The following GRM8 variants were observed in gnomAD, a reference collection of about 807,000 sequenced individuals.
The protein encoded by GRM8 is metabotropic glutamate receptor 8.
Under a neutral mutation model 87.2 loss-of-function variants are expected in GRM8, and 47 were observed. The observed-to-expected ratio is 0.54, with a 90% CI of 0.43 to 0.69. The LOEUF (loss-of-function observed/expected upper bound fraction) is 0.69. Ranked by LOEUF, GRM8 falls within the 30% of genes least tolerant of loss-of-function variation. The pLI is 0.00. For missense variants in GRM8, 1,019 were observed against 1,139.2 expected (o/e 0.89, Z 1.52); for synonymous variants, 396 against 404.5 (o/e 0.98, Z 0.25).
chr7:126,958,205 G>A (rs1808936598), intron 3 of GRM8, among the ~76,000 whole-genome samples: 3 of 152,158 alleles, frequency 2.0e-5, no homozygotes, highest in Admixed American at 2.0e-4. Context: ...CTTCCTGGAT[G>A]TGGGACAAGA....
intron 3 of GRM8, among the ~76,000 whole-genome samples, chr7:126,947,010 T>A (rs1355770092): frequency 6.6e-6 from 1 of 152,206 alleles, no homozygotes; most frequent in Non-Finnish European, 1.5e-5. Flanking sequence ...ATCTGGAAGA[T>A]GTGTCCTTCA....
At chr7:127,207,704 C>T (rs370140061) in intron 2 of GRM8, among the ~76,000 whole-genome samples, 2 of 152,092 alleles carry the variant, frequency 1.3e-5, no homozygotes, top group Admixed American at 6.5e-5. Flanking sequence ...GGCCACGGTG[C>T]GATGGGAAGC....
At chr7:127,036,510 T>C (rs1448783234) in intron 3 of GRM8, among the ~76,000 whole-genome samples, 2 of 152,148 alleles carry the variant, frequency 1.3e-5, no homozygotes, top group East Asian at 3.8e-4. Context: ...CACCTATATA[T>C]TGCCCAAATA....
At chr7:126,763,466 T>TACAC (rs1478306327) in intron 7 of GRM8, among the ~76,000 whole-genome samples, 3 of 82,608 alleles carry the variant, frequency 3.6e-5, no homozygotes, top group African/African-American at 1.2e-4. Context: ...TATATATATA[T>TACAC]ATATATACAC....
chr7:126,599,050 A>T (rs1173141223), intron 8 of GRM8, among the ~76,000 whole-genome samples: 1 of 152,140 alleles, frequency 6.6e-6, no homozygotes, highest in Non-Finnish European at 1.5e-5. Flanking sequence ...AGCAGAACAG[A>T]TCTGCCCATT....
intron 7 of GRM8, among the ~76,000 whole-genome samples, chr7:126,647,740 G>A (rs931094585): frequency 6.6e-6 from 1 of 151,948 alleles, no homozygotes; most frequent in Non-Finnish European, 1.5e-5. Context: ...CTTCAAATTT[G>A]TCCACTCATT....
chr7:127,107,151 A>T (rs1326361276), intron 2 of GRM8, among the ~76,000 whole-genome samples: 1 of 152,200 alleles, frequency 6.6e-6, no homozygotes, highest in East Asian at 1.9e-4. Context: ...ACTAACAGGG[A>T]ATTTAATATA....
intron 7 of GRM8, among the ~76,000 whole-genome samples, chr7:126,673,422 C>A (rs1251005316): frequency 6.6e-6 from 1 of 152,106 alleles, no homozygotes; most frequent in East Asian, 1.9e-4. Context: ...CAAAGTGGAT[C>A]CACTTAAGGT....
chr7:127,140,767 G>A (rs899915655), intron 2 of GRM8, among the ~76,000 whole-genome samples: 2 of 152,152 alleles, frequency 1.3e-5, no homozygotes, highest in Non-Finnish European at 2.9e-5. Flanking sequence ...GGTAGTCAGT[G>A]TCAAGTTACT....
chr7:126,995,025 G>A (rs1813045669), intron 3 of GRM8, among the ~76,000 whole-genome samples: 1 of 152,190 alleles, frequency 6.6e-6, no homozygotes, highest in Admixed American at 6.5e-5. Context: ...GCCATCCCCA[G>A]CTCCAGGTGG....
chr7:127,150,456 A>G (rs913360645), intron 2 of GRM8, among the ~76,000 whole-genome samples: 8 of 152,106 alleles, frequency 5.3e-5, no homozygotes, highest in African/African-American at 1.9e-4. Context: ...CAGGCTGTCC[A>G]AAGTCTTAAT....
At chr7:127,142,023 C>T (rs1828298716) in intron 2 of GRM8, among the ~76,000 whole-genome samples, 1 of 152,040 alleles carries the variant, frequency 6.6e-6, no homozygotes, top group Non-Finnish European at 1.5e-5. Flanking sequence ...TGGTCTGTCA[C>T]TCAGCCTGGA....
chr7:126,532,853 T>G (rs1815071027), intron 9 of GRM8, 99 bp downstream of exon 9: 1 of 583,058 alleles, frequency 1.7e-6, no homozygotes, highest in East Asian at 3.0e-5. Context: ...TGAAGCATCT[T>G]TAGAGAATAT....
At chr7:126,605,487 G>A (rs945621438) in intron 8 of GRM8, among the ~76,000 whole-genome samples, 1 of 152,016 alleles carries the variant, frequency 6.6e-6, no homozygotes, top group Non-Finnish European at 1.5e-5. Context: ...TATTTTCCAG[G>A]AAAAAGAAAA....
At chr7:127,066,505 ATTCT>A (rs1586901761) in intron 3 of GRM8, among the ~76,000 whole-genome samples, 1 of 152,152 alleles carries the variant, frequency 6.6e-6, no homozygotes, top group African/African-American at 2.4e-5. Flanking sequence ...TGAGAAAGGT[ATTCT>A]TTATTTTTTT....
intron 2 of GRM8, among the ~76,000 whole-genome samples, chr7:127,117,664 A>C (rs1204020421): frequency 6.6e-6 from 1 of 152,204 alleles, no homozygotes; most frequent in Non-Finnish European, 1.5e-5. Flanking sequence ...ATGGCACTTT[A>C]TTAGCATCAT....
chr7:126,825,361 C>T (rs1212818216), intron 6 of GRM8, among the ~76,000 whole-genome samples: 3 of 152,084 alleles, frequency 2.0e-5, no homozygotes, highest in East Asian at 1.9e-4. Context: ...CCACTATGCC[C>T]GGCCCCAAAC....
chr7:126,656,664 T>C (rs1407178517), intron 7 of GRM8, among the ~76,000 whole-genome samples: 1 of 151,436 alleles, frequency 6.6e-6, no homozygotes, highest in Non-Finnish European at 1.5e-5. Context: ...CAAGACTCTG[T>C]CTCAAAAATA....
chr7:126,834,238 C>T (rs1795648861), intron 6 of GRM8, among the ~76,000 whole-genome samples: 2 of 152,162 alleles, frequency 1.3e-5, no homozygotes, highest in South Asian at 4.1e-4. Flanking sequence ...AAGGAAAACA[C>T]CTGGCTAGAA....
Sources: allele counts gnomAD v4.1 joint callset (sites outside exome capture counted in the v4.1 genomes callset), GRCh38; gene constraint gnomAD v4.1.1; transcripts MANE v1.5; gene names NCBI Gene and HGNC (gene_info 2026-07-23, HGNC 2026-07-21).